Variants in ALPK1 observed in about 807,000 individuals in gnomAD.
ALPK1 encodes alpha kinase 1.
A neutral mutation model predicts 120.6 loss-of-function variants in ALPK1; 110 were observed. The ratio of observed to expected loss-of-function variants is 0.91; its 90% CI spans 0.78 to 1.07. ALPK1 has a LOEUF of 1.07. Ranked by LOEUF, ALPK1 falls within the 50% of genes least tolerant of loss-of-function variation. ALPK1 has a pLI of 0.00. For synonymous variants in ALPK1, 582 were observed against 560.3 expected (o/e 1.04, Z -0.55); for missense variants, 1,498 against 1,483.9 (o/e 1.01, Z -0.16).
chr4:112,391,420 T>G, intron 4 of ALPK1, among the ~76,000 whole-genome samples: 1 of 152,174 alleles, frequency 6.6e-6, no homozygotes, highest in East Asian at 1.9e-4. Context: ...ATTATCACAG[T>G]CTTACCATGT....
At chr4:112,340,667 T>A (rs896796380) in intron 2 of ALPK1, among the ~76,000 whole-genome samples, 5 of 152,220 alleles carry the variant, frequency 3.3e-5, no homozygotes, top group Non-Finnish European at 7.3e-5. Flanking sequence ...GAAAATTTCT[T>A]ATTTGTGATT....
chr4:112,431,135 G>T lies in ALPK1; in HGVS notation c.1588G>T (p.Glu530Ter). The part of the protein sequence containing the change: ...SSLMGKNVQR[E>*]LRRGGRRNWT... ...CCTAATGGGTAAGAATGTTCAGAGG[G>T]AACTCAGAAGGGGAGGAAGGAGAAA... The change falls in exon 11 of 16, where the codon GAA becomes TAA. Residue 530 changes from glutamate to a stop codon, truncating the protein, a stop_gained. Coordinates refer to ENST00000650871, the MANE Select transcript of ALPK1 (RefSeq NM_025144.4). LOFTEE classifies it high-confidence loss of function. The T allele has an allele frequency of 6.2e-7, 1 of 1,614,140 alleles. No individual in the cohort carries two copies. The highest frequency in any genetic ancestry group is 8.5e-7 in the Non-Finnish European group (1 of 1,180,036).
intron 5 of ALPK1, chr4:112,414,607 T>C (rs2148751345): frequency 8.0e-6 from 1 of 125,252 alleles, no homozygotes; most frequent in Non-Finnish European, 1.6e-5. Context: ...AGACTTCGTC[T>C]CAAAAAAAAA....
chr4:112,388,294 C>T (rs1732241595), intron 4 of ALPK1, among the ~76,000 whole-genome samples: 1 of 151,986 alleles, frequency 6.6e-6, no homozygotes. Flanking sequence ...GCAGAAAATG[C>T]TTTAAAAATG....
rs753665718 is a variant in ALPK1, at chr4:112,435,126, T to C, written c.3035-22T>C. 1.9e-6 allele frequency: 3 copies of C among 1,598,364 alleles called. No individual in the cohort carries two copies. The South Asian group carries it at 3.4e-5, about 18-fold the overall frequency. On this transcript the variant is annotated intron_variant, in intron 11 of 15. Coordinates refer to ENST00000650871, the MANE Select transcript of ALPK1 (RefSeq NM_025144.4). ...AACGTCCTTTTGAAAATAAGATTCA[T>C]TTTCATCTTTTTTTTTCCCAGGTGC... is the stretch of plus-strand genomic sequence containing the variant.
rs148534188 is a variant in ALPK1 at position 112,326,856 on chromosome 4, G to A, written c.-101+11004G>A. 4.4e-3 allele frequency among the ~76,000 whole-genome samples: 664 copies of A among 152,268 alleles called. 5 individuals are homozygous for A. Among genetic ancestry groups the A allele is most frequent in the Admixed American group, 8.7e-3 (133 of 15,292 alleles). ...CAAATGAATAGAGGTCTGATCAGGA[G>A]GCATTTGCCAAGTTAAGCTCCAGGA... On this transcript the variant is annotated intron_variant, in intron 2 of 15. Transcript: ENST00000650871.
intron 2 of ALPK1, among the ~76,000 whole-genome samples, chr4:112,320,673 C>A (rs977751571): frequency 3.3e-5 from 5 of 151,976 alleles, no homozygotes; most frequent in African/African-American, 9.7e-5. Flanking sequence ...TGGTCCTGAA[C>A]TTTTTTTGTT....
At chr4:112,410,101 A>C (rs1416127514) in intron 4 of ALPK1, among the ~76,000 whole-genome samples, 11 of 152,214 alleles carry the variant, frequency 7.2e-5, no homozygotes, top group African/African-American at 2.7e-4. Context: ...TTAACATAAT[A>C]GTAAATATCA....
intron 1 of ALPK1, among the ~76,000 whole-genome samples, chr4:112,306,431 G>A (rs962796962): frequency 1.3e-5 from 2 of 152,110 alleles, no homozygotes; most frequent in African/African-American, 4.8e-5. Context: ...TTCAGAGCCT[G>A]TTATTGGTCA....
intron 2 of ALPK1, among the ~76,000 whole-genome samples, chr4:112,325,796 G>T (rs1364715985): frequency 6.6e-6 from 1 of 152,184 alleles, no homozygotes; most frequent in Non-Finnish European, 1.5e-5. Context: ...AACCTTAAAT[G>T]ATTTGAGTTT....
Position 112,430,776 on chromosome 4 carries a change from CTG to C in ALPK1, c.1232_1233del (p.Val411AspfsTer18). 6.2e-7 allele frequency: 1 copy of C among 1,614,202 alleles called. No homozygotes were observed. Among genetic ancestry groups the C allele is most frequent in the Non-Finnish European group, 8.5e-7 (1 of 1,180,036 alleles). ...GAAGCTCTGTCTCAAGAAGTTATGT[CTG>C]TGATTGCCCAGGTGAAGGAACATTT... is the stretch of plus-strand genomic sequence containing the variant. On this transcript the variant is annotated frameshift_variant, in exon 11 of 16. Coordinates refer to ENST00000650871, the MANE Select transcript of ALPK1 (RefSeq NM_025144.4). LOFTEE classifies it high-confidence loss of function.
intron 2 of ALPK1, among the ~76,000 whole-genome samples, chr4:112,324,874 T>C (rs1729037766): frequency 6.6e-6 from 1 of 150,952 alleles, no homozygotes; most frequent in Non-Finnish European, 1.5e-5. Context: ...AAAGTAAGAA[T>C]TGTAGTTACC....
At chr4:112,440,895 G>A (rs1379660897) in intron 14 of ALPK1, 22 bp from the exon 15 acceptor site, 1 of 1,594,562 alleles carries the variant, frequency 6.3e-7, no homozygotes, top group South Asian at 1.1e-5. Context: ...TTAATACTCA[G>A]GTGTGTTCAT....
At chr4:112,439,575 A>G in intron 13 of ALPK1, 111 bp from the exon 14 acceptor site, 1 of 781,688 alleles carries the variant, frequency 1.3e-6, no homozygotes. Flanking sequence ...GATGAAATTG[A>G]AGCTCAGAGA....
chr4:112,439,731 T>C lies in ALPK1; in HGVS notation c.3397T>C (p.Tyr1133His). The change falls in exon 14 of 16, where the codon TAC becomes CAC. Residue 1133 changes from tyrosine to histidine, a missense_variant. Coordinates refer to ENST00000650871, the MANE Select transcript of ALPK1 (RefSeq NM_025144.4). ...AAAGGGATGTATCAGTGTGGAGCCT[T>C]ACATACTGGGAGAATTTGTAAAATT... is the stretch of plus-strand genomic sequence containing the variant. ...TIKGCISVEP[Y>H]ILGEFVKLSN... The C allele has an allele frequency of 1.9e-6, 3 of 1,613,238 alleles. No individual in the cohort carries two copies. The highest frequency in any genetic ancestry group is 1.7e-5 in the Admixed American group (1 of 59,790).
At chr4:112,372,357 C>T (rs779813690) in intron 2 of ALPK1, among the ~76,000 whole-genome samples, 11 of 151,828 alleles carry the variant, frequency 7.2e-5, no homozygotes, top group Non-Finnish European at 1.6e-4. Context: ...TGACTACAGG[C>T]GCCAGCCACC....
At chr4:112,310,341 G>A (rs1728340006) in intron 1 of ALPK1, among the ~76,000 whole-genome samples, 1 of 152,106 alleles carries the variant, frequency 6.6e-6, no homozygotes, top group Non-Finnish European at 1.5e-5. Context: ...AGAGGCTCCA[G>A]ATCCTTCCAG....
chr4:112,378,059 G>C (rs1355449790), intron 3 of ALPK1, among the ~76,000 whole-genome samples, 161 bp downstream of exon 3: 1 of 151,582 alleles, frequency 6.6e-6, no homozygotes, highest in Non-Finnish European at 1.5e-5. Context: ...CATGGGCTGC[G>C]GGCGGACGGG....
chr4:112,348,559 C>T (rs1309655593), intron 2 of ALPK1, among the ~76,000 whole-genome samples: 1 of 152,236 alleles, frequency 6.6e-6, no homozygotes, highest in East Asian at 1.9e-4. Context: ...AGTTGTCACT[C>T]TGTGAATAGC....
Sources: gnomAD v4.1 joint callset for allele counts (sites outside exome capture counted in the v4.1 genomes callset) on GRCh38, gnomAD v4.1.1 for gene constraint, MANE v1.5 for transcripts, NCBI Gene and HGNC (gene_info 2026-07-23, HGNC 2026-07-21) for gene names.